Variants in UNC5D observed in about 807,000 individuals in gnomAD.
UNC5D encodes netrin receptor UNC5D.
A neutral mutation model predicts 105.4 loss-of-function variants in UNC5D; 39 were observed. That is an observed-to-expected ratio of 0.37 (90% CI 0.29 to 0.48). UNC5D has a LOEUF of 0.48. Ranked by LOEUF, UNC5D falls within the 20% of genes least tolerant of loss-of-function variation. UNC5D has a pLI of 0.98. For missense variants in UNC5D, 991 were observed against 1,202.4 expected, an observed-to-expected ratio of 0.82 and a Z score of 2.60; for synonymous variants, 452 against 450.4, an observed-to-expected ratio of 1.00 and a Z score of -0.04.
chr8:35,542,863 A>G (rs1052891094), intron 1 of UNC5D, among the ~76,000 whole-genome samples: 3 of 152,220 alleles, frequency 2.0e-5, no homozygotes, highest in Non-Finnish European at 4.4e-5. Context: ...TAGGGATGAT[A>G]ATTGTAATTC....
rs749236766 is a variant in UNC5D, at chr8:35,568,257, G to T, written c.466+16G>T. The T allele has an allele frequency of 3.2e-5, 52 of 1,612,154 alleles. No homozygotes were observed. The highest frequency in any genetic ancestry group is 4.2e-5 in the Non-Finnish European group (50 of 1,178,942). On this transcript the variant is annotated intron_variant, in intron 3 of 16. Transcript: ENST00000404895. ...CGCATAGCCTGTAAGTACATTCTGG[G>T]TGACCTTGTCTTGTAGGACCACAAA...
At chr8:35,790,308 C>T (rs1241251591) in intron 16 of UNC5D, 51 bp from the exon 17 acceptor site, 5 of 1,563,576 alleles carry the variant, frequency 3.2e-6, no homozygotes, top group Non-Finnish European at 4.4e-6. Context: ...GTGTTTATTC[C>T]TTTATTTTCA....
At chr8:35,395,047 T>C (rs889241528) in intron 1 of UNC5D, among the ~76,000 whole-genome samples, 42 of 152,228 alleles carry the variant, frequency 2.8e-4, no homozygotes, top group African/African-American at 9.9e-4. Flanking sequence ...TCCTGTAATG[T>C]GCTTTGCCTA....
In UNC5D at chr8:35,791,433, CA is replaced by C. The variant is rs1803036990; in HGVS notation, c.*871del. The C allele has an allele frequency of 6.6e-6, 1 of 152,120 alleles. No individual in the cohort carries two copies. Among genetic ancestry groups the C allele is most frequent in the Admixed American group, 6.6e-5 (1 of 15,252 alleles). The allele number at this position is 152,120 out of a possible 1,614,324, so 9.4% of individuals were successfully genotyped here. ...GATATGGGGACAGGAGAGATTAAAG[CA>C]GGTTCAAAAACACATGAACTGCAGA... On this transcript the variant is annotated 3_prime_UTR_variant, in exon 17 of 17. Coordinates refer to ENST00000404895, the MANE Select transcript of UNC5D (RefSeq NM_080872.4).
intron 3 of UNC5D, among the ~76,000 whole-genome samples, chr8:35,575,557 G>C (rs1388101827): frequency 6.6e-6 from 1 of 152,138 alleles, no homozygotes; most frequent in Non-Finnish European, 1.5e-5. Context: ...GTACAGCTCT[G>C]GAAGAGGCCT....
chr8:35,498,305 T>A (rs910832905), intron 1 of UNC5D, among the ~76,000 whole-genome samples: 1 of 151,488 alleles, frequency 6.6e-6, no homozygotes, highest in South Asian at 2.1e-4. Flanking sequence ...TTGGAGCAGA[T>A]TGGAGTATAT....
chr8:35,505,787 A>G (rs1246569591), intron 1 of UNC5D, among the ~76,000 whole-genome samples: 2 of 152,206 alleles, frequency 1.3e-5, no homozygotes, highest in Non-Finnish European at 2.9e-5. Context: ...ACACTAAGTC[A>G]GGAAAGTGAT....
chr8:35,239,266 C>T (rs1802658751), intron 1 of UNC5D, among the ~76,000 whole-genome samples: 1 of 152,146 alleles, frequency 6.6e-6, no homozygotes, highest in Non-Finnish European at 1.5e-5. Flanking sequence ...AGCTGTGGAT[C>T]CTTTCTGAGC....
intron 1 of UNC5D, among the ~76,000 whole-genome samples, chr8:35,516,010 A>G (rs1343345192): frequency 6.6e-6 from 1 of 151,882 alleles, no homozygotes; most frequent in Admixed American, 6.5e-5. Context: ...AAACTGAACT[A>G]TTGTCTCCTG....
chr8:35,388,193 G>A (rs1803549374), intron 1 of UNC5D, among the ~76,000 whole-genome samples: 1 of 151,894 alleles, frequency 6.6e-6, no homozygotes, highest in Non-Finnish European at 1.5e-5. Context: ...GGTAAACCCC[G>A]TCTCTACTAA....
rs1044348333 is a variant in UNC5D at position 35,601,713 on chromosome 8, A to G, written c.570+6056A>G. 5.9e-5 allele frequency among the ~76,000 whole-genome samples: 9 copies of G among 152,098 alleles called. 1 individual carries two copies. The highest frequency in any genetic ancestry group is 1.7e-4 in the African/African-American group (7 of 41,498). The stretch of plus-strand genomic sequence containing the variant: ...GGAGATTTTGGGCTGAGACGATGGG[A>G]TTTTCTAAATATACAGTCATGTCAT... On this transcript the variant is annotated intron_variant, in intron 4 of 16. Coordinates refer to ENST00000404895, the MANE Select transcript of UNC5D (RefSeq NM_080872.4).
chr8:35,518,522 T>C (rs10099855), intron 1 of UNC5D, among the ~76,000 whole-genome samples: 23,462 of 152,158 alleles, frequency 0.15, 2,323 homozygotes, highest in East Asian at 0.27. Context: ...GGTCCCTTCT[T>C]ACTGCAGTAT....
chr8:35,287,967 G>A (rs1051181157), intron 1 of UNC5D, among the ~76,000 whole-genome samples: 7 of 151,944 alleles, frequency 4.6e-5, no homozygotes, highest in Non-Finnish European at 1.0e-4. Flanking sequence ...GAAAATTATA[G>A]AACACCAGTA....
chr8:35,452,981 C>T (rs541735556), intron 1 of UNC5D, among the ~76,000 whole-genome samples: 1 of 152,030 alleles, frequency 6.6e-6, no homozygotes, highest in East Asian at 1.9e-4. Context: ...GTCTAGAGTC[C>T]AAAAAAAGTT....
intron 1 of UNC5D, among the ~76,000 whole-genome samples, chr8:35,516,837 C>T (rs1337633461): frequency 6.6e-6 from 1 of 152,138 alleles, no homozygotes; most frequent in Non-Finnish European, 1.5e-5. Flanking sequence ...GAACATGCCA[C>T]GTCTTATTTT....
chr8:35,682,117 A>G (rs1825708380), intron 4 of UNC5D, among the ~76,000 whole-genome samples: 1 of 152,034 alleles, frequency 6.6e-6, no homozygotes, highest in African/African-American at 2.4e-5. Flanking sequence ...GGCACGTGCC[A>G]CCACACCCGG....
intron 8 of UNC5D, among the ~76,000 whole-genome samples, chr8:35,710,968 T>C (rs1237718403): frequency 3.0e-5 from 4 of 134,008 alleles, no homozygotes; most frequent in Non-Finnish European, 6.0e-5. Flanking sequence ...AGACGGAGTC[T>C]CGCTCTGTCG....
At chr8:35,464,200 A>G (rs778897843) in intron 1 of UNC5D, among the ~76,000 whole-genome samples, 22 of 152,190 alleles carry the variant, frequency 1.4e-4, no homozygotes, top group Non-Finnish European at 2.9e-4. Context: ...GGTGGTAGGT[A>G]CCTGTAATCC....
chr8:35,671,649 ATT>A (rs1196782651), intron 4 of UNC5D, among the ~76,000 whole-genome samples: 1 of 152,152 alleles, frequency 6.6e-6, no homozygotes, highest in Non-Finnish European at 1.5e-5. Context: ...TAGAGTTTGA[ATT>A]TGGTTGTTTT....
Sources: gnomAD v4.1 joint callset for allele counts (sites outside exome capture counted in the v4.1 genomes callset) on GRCh38, gnomAD v4.1.1 for gene constraint, MANE v1.5 for transcripts, NCBI Gene and HGNC (gene_info 2026-07-23, HGNC 2026-07-21) for gene names.